The following BLTP1 variants were observed in gnomAD, a reference collection of about 807,000 sequenced individuals.
The protein encoded by BLTP1 is fragile site-associated protein.
the BLTP1 span, among the ~76,000 whole-genome samples, chr4:122,330,091 G>C: frequency 1.3e-5 from 2 of 151,718 alleles, no homozygotes; most frequent in Admixed American, 1.3e-4. Flanking sequence ...AAATTCCATT[G>C]TATGTATGCA....
At chr4:122,344,433 G>GT in the BLTP1 span, 2 of 1,613,724 alleles carry the variant, frequency 1.2e-6, no homozygotes, top group Non-Finnish European at 8.5e-7. Flanking sequence ...GATTCACTCA[G>GT]TATAAACCTT....
chr4:122,349,012 C>T, the BLTP1 span: 6 of 672,244 alleles, frequency 8.9e-6, no homozygotes, highest in South Asian at 3.1e-5. The surrounding 1 kb of genome is among the most constrained non-coding windows in gnomAD (Gnocchi z 4.5). Flanking sequence ...CAAATATTTA[C>T]CACACAGTTT....
chr4:122,152,734 C>A, the BLTP1 span: 1 of 793,106 alleles, frequency 1.3e-6, no homozygotes, highest in Non-Finnish European at 1.5e-6. Flanking sequence ...GCCATCCTTA[C>A]CTACAGCCCT....
At chr4:122,328,065 A>C in the BLTP1 span, 1 of 1,417,566 alleles carries the variant, frequency 7.1e-7, no homozygotes, top group Non-Finnish European at 9.4e-7. Flanking sequence ...TTTTAATTGA[A>C]ATATGAATCT....
At chr4:122,336,753 G>A in the BLTP1 span, 1 of 1,273,820 alleles carries the variant, frequency 7.9e-7, no homozygotes, top group Non-Finnish European at 1.0e-6. Context: ...ATAGAATGAA[G>A]GGCTACAGAA....
the BLTP1 span, chr4:122,155,058 C>A: frequency 7.2e-6 from 3 of 413,942 alleles, no homozygotes; most frequent in Non-Finnish European, 9.7e-6. Context: ...TATCATGTGT[C>A]AGACATCCAG....
the BLTP1 span, among the ~76,000 whole-genome samples, chr4:122,294,472 A>G: frequency 6.6e-6 from 1 of 152,166 alleles, no homozygotes; most frequent in Admixed American, 6.5e-5. Context: ...TGCAGGAGGA[A>G]CTCAGAACAC....
the BLTP1 span, chr4:122,249,240 C>T: frequency 3.7e-6 from 2 of 547,814 alleles, no homozygotes; most frequent in Admixed American, 1.3e-4. Context: ...TTTAGAGTAT[C>T]CTGTAATCAT....
At chr4:122,306,299 AT>A in the BLTP1 span, among the ~76,000 whole-genome samples, 2 of 151,902 alleles carry the variant, frequency 1.3e-5, no homozygotes, top group Non-Finnish European at 2.9e-5. Flanking sequence ...TGTAATGCTG[AT>A]TTTTTTTGTT....
chr4:122,194,457 A>G, the BLTP1 span: 14 of 726,200 alleles, frequency 1.9e-5, no homozygotes, highest in Non-Finnish European at 2.4e-5. Context: ...TCTTCTGGTA[A>G]AATTTTCCTA....
chr4:122,328,260 C>T, the BLTP1 span: 12 of 1,610,754 alleles, frequency 7.4e-6, no homozygotes, highest in African/African-American at 1.3e-5. Context: ...AGAGGGCCGA[C>T]GGGATGACAG....
the BLTP1 span, among the ~76,000 whole-genome samples, chr4:122,184,054 G>A: frequency 6.6e-6 from 1 of 151,818 alleles, no homozygotes; most frequent in Non-Finnish European, 1.5e-5. Flanking sequence ...AGTCAAAAGA[G>A]CAAATCATCT....
At chr4:122,362,216 A>C in the BLTP1 span, 1 of 1,613,154 alleles carries the variant, frequency 6.2e-7, no homozygotes, top group East Asian at 2.2e-5. Context: ...GATGAAAAGG[A>C]AAAGAAAGGC....
At chr4:122,158,127 G>A in the BLTP1 span, among the ~76,000 whole-genome samples, 4 of 152,270 alleles carry the variant, frequency 2.6e-5, no homozygotes, top group East Asian at 5.8e-4. Flanking sequence ...GCATTTTAGT[G>A]TTATTTAGTG....
chr4:122,219,939 A>G, the BLTP1 span, among the ~76,000 whole-genome samples: 2 of 152,150 alleles, frequency 1.3e-5, no homozygotes, highest in African/African-American at 4.8e-5. Flanking sequence ...TGGACCTGTT[A>G]TAAAATGGAG....
At chr4:122,251,526 T>C in the BLTP1 span, 2 of 971,142 alleles carry the variant, frequency 2.1e-6, no homozygotes, top group African/African-American at 1.8e-5. Flanking sequence ...GTTTAGGGGA[T>C]GGATTATCAC....
chr4:122,274,932 G>A, the BLTP1 span, among the ~76,000 whole-genome samples: 1 of 152,120 alleles, frequency 6.6e-6, no homozygotes, highest in Non-Finnish European at 1.5e-5. Flanking sequence ...TGAAATGGAT[G>A]TTTATTAATG....
chr4:122,215,297 A>G, the BLTP1 span: 1 of 886,516 alleles, frequency 1.1e-6, no homozygotes, highest in Non-Finnish European at 1.4e-6. Flanking sequence ...TTTTACTGTA[A>G]TAATCTACAG....
chr4:122,272,370 T>C, the BLTP1 span: 625 of 1,612,888 alleles, frequency 3.9e-4, no homozygotes, highest in Non-Finnish European at 5.1e-4. Flanking sequence ...CTGAAGAGGA[T>C]CCATGGCAGT....
Sources: gnomAD v4.1 joint callset for allele counts (sites outside exome capture counted in the v4.1 genomes callset) on GRCh38, gnomAD v4.1.1 for gene constraint, Gnocchi (gnomAD v3.1) non-coding constraint, MANE v1.5 for transcripts, NCBI Gene and HGNC (gene_info 2026-07-23, HGNC 2026-07-21) for gene names.